The following CSMD1 variants were observed in gnomAD, a reference collection of about 807,000 sequenced individuals.
The protein encoded by CSMD1 is CUB and sushi domain-containing protein 1.
A neutral mutation model predicts 417.5 loss-of-function variants in CSMD1; 213 were observed. The ratio of observed to expected loss-of-function variants is 0.51; its 90% CI spans 0.46 to 0.57. CSMD1 has a LOEUF of 0.57. Ranked by LOEUF, CSMD1 falls within the 20% of genes least tolerant of loss-of-function variation. CSMD1 has a pLI of 0.00. For missense variants in CSMD1, 6,923 were observed against 4,529.7 expected, an observed-to-expected ratio of 1.53 and a Z score of -15.17; for synonymous variants, 2,862 against 1,736.8, an observed-to-expected ratio of 1.65 and a Z score of -16.11.
At chr8:3,972,552 T>C (rs760334244) in intron 5 of CSMD1, among the ~76,000 whole-genome samples, 30 of 152,324 alleles carry the variant, frequency 2.0e-4, no homozygotes, top group African/African-American at 5.1e-4. Flanking sequence ...TGACCACATA[T>C]TGCTCACAGG....
At chr8:3,922,316 T>A (rs1809333779) in intron 5 of CSMD1, among the ~76,000 whole-genome samples, 1 of 152,078 alleles carries the variant, frequency 6.6e-6, no homozygotes, top group Non-Finnish European at 1.5e-5. Flanking sequence ...TGGATCTTAT[T>A]TATGTCAATT....
intron 31 of CSMD1, among the ~76,000 whole-genome samples, chr8:3,204,114 C>T (rs1465721738): frequency 6.6e-6 from 1 of 152,202 alleles, no homozygotes; most frequent in African/African-American, 2.4e-5. Flanking sequence ...TAAAGATTCG[C>T]TGTAACTACG....
chr8:3,996,357 C>G (rs1020873966), intron 5 of CSMD1, among the ~76,000 whole-genome samples: 1 of 152,126 alleles, frequency 6.6e-6, no homozygotes, highest in Admixed American at 6.5e-5. Flanking sequence ...AATTTTAAAA[C>G]TAGGAAGAGG....
intron 40 of CSMD1, among the ~76,000 whole-genome samples, chr8:3,146,018 T>C (rs1818821814): frequency 6.6e-6 from 1 of 152,210 alleles, no homozygotes; most frequent in South Asian, 2.1e-4. Flanking sequence ...ACTTCCTCTG[T>C]TTTGCACCTT....
At chr8:3,473,123 C>T (rs991577811) in intron 11 of CSMD1, among the ~76,000 whole-genome samples, 1 of 152,176 alleles carries the variant, frequency 6.6e-6, no homozygotes, top group African/African-American at 2.4e-5. Context: ...CTTATACTGT[C>T]TATTCAACTA....
chr8:4,088,144 C>T (rs953790528), intron 3 of CSMD1, among the ~76,000 whole-genome samples: 2 of 152,166 alleles, frequency 1.3e-5, no homozygotes, highest in African/African-American at 4.8e-5. Flanking sequence ...GGACACTGCC[C>T]ATTCTCAGTA....
At chr8:3,509,890 C>T (rs1045745374) in intron 10 of CSMD1, among the ~76,000 whole-genome samples, 1 of 152,132 alleles carries the variant, frequency 6.6e-6, no homozygotes, top group Non-Finnish European at 1.5e-5. Flanking sequence ...AAGGGGAACT[C>T]ATGCCCCAGT....
chr8:3,042,763 C>G (rs528990017), intron 50 of CSMD1, among the ~76,000 whole-genome samples: 1 of 152,178 alleles, frequency 6.6e-6, no homozygotes, highest in South Asian at 2.1e-4. Context: ...GTGCCTGGTG[C>G]TCATAGACAT....
At chr8:4,145,891 C>G (rs1453965410) in intron 3 of CSMD1, among the ~76,000 whole-genome samples, 1 of 151,028 alleles carries the variant, frequency 6.6e-6, no homozygotes, top group Non-Finnish European at 1.5e-5. Flanking sequence ...TCATGTCTTG[C>G]TCAATGCTCA....
intron 1 of CSMD1, among the ~76,000 whole-genome samples, chr8:4,709,873 T>A (rs1399073565): frequency 6.6e-6 from 1 of 152,062 alleles, no homozygotes; most frequent in African/African-American, 2.4e-5. Flanking sequence ...AAAGTCTCAA[T>A]GAACGTTTAA....
At chr8:2,979,946 G>A (rs1805264745) in intron 54 of CSMD1, among the ~76,000 whole-genome samples, 1 of 152,134 alleles carries the variant, frequency 6.6e-6, no homozygotes, top group Non-Finnish European at 1.5e-5. Flanking sequence ...GAAATAGCAG[G>A]AATTACCTAA....
intron 3 of CSMD1, among the ~76,000 whole-genome samples, chr8:4,167,988 G>T (rs1166252697): frequency 6.6e-6 from 1 of 152,048 alleles, no homozygotes; most frequent in East Asian, 1.9e-4. Flanking sequence ...AATTAGCCAG[G>T]CGTGGTGGCA....
intron 3 of CSMD1, among the ~76,000 whole-genome samples, chr8:4,039,623 G>C (rs1393946224): frequency 6.6e-6 from 1 of 152,154 alleles, no homozygotes; most frequent in Non-Finnish European, 1.5e-5. Context: ...AGGAATGACA[G>C]TGAAAGAGAA....
intron 4 of CSMD1, among the ~76,000 whole-genome samples, chr8:4,003,500 T>A (rs1443597271): frequency 6.6e-6 from 1 of 152,022 alleles, no homozygotes; most frequent in Non-Finnish European, 1.5e-5. Context: ...AAATGGCAAT[T>A]TAAATAAGAG....
At chr8:3,622,454 T>G (rs1469591444) in intron 7 of CSMD1, among the ~76,000 whole-genome samples, 1 of 152,228 alleles carries the variant, frequency 6.6e-6, no homozygotes, top group Non-Finnish European at 1.5e-5. Context: ...CTTTTCTATT[T>G]TTCTCACAAG....
chr8:4,178,520 CAAG>C (rs1387193961), intron 3 of CSMD1, among the ~76,000 whole-genome samples: 1 of 150,838 alleles, frequency 6.6e-6, no homozygotes, highest in Admixed American at 6.6e-5. Flanking sequence ...AAAACTGGCA[CAAG>C]ACAGGGATGC....
At chr8:3,610,191 T>C (rs1367449306) in intron 8 of CSMD1, among the ~76,000 whole-genome samples, 1 of 152,100 alleles carries the variant, frequency 6.6e-6, no homozygotes. Context: ...AGCTTCCATA[T>C]GAATACAATG....
chr8:4,826,309 ATGTG>A (rs963878630), intron 1 of CSMD1, among the ~76,000 whole-genome samples: 4 of 151,832 alleles, frequency 2.6e-5, no homozygotes, highest in Non-Finnish European at 4.4e-5. Flanking sequence ...GTGTGTATAT[ATGTG>A]TGTGTGTGTA....
intron 1 of CSMD1, among the ~76,000 whole-genome samples, chr8:4,911,026 C>A (rs1805633742): frequency 6.6e-6 from 1 of 152,202 alleles, no homozygotes; most frequent in Non-Finnish European, 1.5e-5. Flanking sequence ...TCTTTGCCTG[C>A]TGCCATCCAT....
Sources: allele counts gnomAD v4.1 joint callset (sites outside exome capture counted in the v4.1 genomes callset), GRCh38; gene constraint gnomAD v4.1.1; transcripts MANE v1.5; gene names NCBI Gene and HGNC (gene_info 2026-07-23, HGNC 2026-07-21).